Variants in SRRM1 observed in about 807,000 individuals in gnomAD.
The protein encoded by SRRM1 is serine/arginine repetitive matrix protein 1.
SRRM1 carries 19 observed loss-of-function variants against 110.2 expected under a neutral mutation model. That is an observed-to-expected ratio of 0.17 (90% confidence interval 0.12 to 0.25). The LOEUF is 0.25. Ranked by LOEUF, SRRM1 falls within the 10% of genes least tolerant of loss-of-function variation. The pLI is 1.00. For missense variants in SRRM1, 918 were observed against 1,145.8 expected (o/e 0.80, Z 2.87); for synonymous variants, 443 against 414.9 (o/e 1.07, Z -0.82).
chr1:24,664,982 T>TTTTTG (rs1352175003), intron 12 of SRRM1, among the ~76,000 whole-genome samples: 2 of 151,572 alleles, frequency 1.3e-5, no homozygotes, highest in Non-Finnish European at 2.9e-5. Context: ...CTCCAGGATG[T>TTTTTG]TTTTGTTTTG....
In SRRM1 at chr1:24,673,116, T is replaced by G. The variant is rs1270700451; in HGVS notation, c.*830T>G. On this transcript the variant is annotated 3_prime_UTR_variant, in exon 17 of 17. Transcript: ENST00000323848. ...ATTGGTATATACAACTTTCAGAGCC[T>G]CTTGTATTTGGAAGGCTGGAAGGGC... 6.6e-6 allele frequency: 1 copy of G among 152,226 alleles called. No homozygotes were observed. Among genetic ancestry groups the G allele is most frequent in the Non-Finnish European group, 1.5e-5 (1 of 68,042 alleles). 9.4% of individuals were successfully genotyped at this position (152,226 alleles called of 1,614,324 possible).
intron 13 of SRRM1, among the ~76,000 whole-genome samples, chr1:24,668,489 T>C (rs1001080171): frequency 6.6e-6 from 1 of 152,226 alleles, no homozygotes; most frequent in African/African-American, 2.4e-5. Flanking sequence ...TAAAGCTAAC[T>C]CTGGGCAGGA....
intron 13 of SRRM1, among the ~76,000 whole-genome samples, chr1:24,668,622 G>A (rs548171372): frequency 6.6e-6 from 1 of 152,252 alleles, no homozygotes; most frequent in Admixed American, 6.5e-5. Context: ...TGTCTTTAAG[G>A]CTTGTGCAGT....
chr1:24,656,888 A>G (rs1664438754), intron 9 of SRRM1, among the ~76,000 whole-genome samples: 1 of 152,188 alleles, frequency 6.6e-6, no homozygotes, highest in Non-Finnish European at 1.5e-5. Context: ...CTTTTTGCAA[A>G]CAAGACAAGA....
intron 13 of SRRM1, 28 bp downstream of exon 13, chr1:24,666,953 CA>C (rs752295193): frequency 1.3e-6 from 2 of 1,498,926 alleles, no homozygotes; most frequent in Non-Finnish European, 1.8e-6. Flanking sequence ...CTAACTGGAG[CA>C]TCTCCCCAAC....
Position 24,652,544 on chromosome 1 carries a change from G to A in SRRM1, c.836G>A (p.Arg279Gln), listed in dbSNP as rs764172215. Residue 279 changes from arginine to glutamine, a missense_variant, in exon 7 of 17, where the codon CGG (arginine) becomes CAG (glutamine). By Grantham distance (43) the Arg-to-Gln change is conservative. Coordinates refer to ENST00000323848, the MANE Select transcript of SRRM1 (RefSeq NM_005839.4). ...KEKEKTRPRS[R>Q]SRSKSRSRTR... ...AAGGAGAAGACCCGACCACGATCTC[G>A]GTCACGCTCCAAATCAAGATCCCGG... is the stretch of plus-strand genomic sequence containing the variant. The A allele has an allele frequency of 2.5e-6, 4 of 1,613,612 alleles. No individual in the cohort carries two copies. Among genetic ancestry groups the A allele is most frequent in the East Asian group, 4.5e-5 (2 of 44,862 alleles).
At chr1:24,664,621 A>G (rs2148657288) in intron 12 of SRRM1, among the ~76,000 whole-genome samples, 1 of 152,170 alleles carries the variant, frequency 6.6e-6, no homozygotes, top group Middle Eastern at 3.2e-3. Flanking sequence ...TAATCTCATC[A>G]ATAAGAGTGT....
At chr1:24,671,257 C>A (rs1672601317) in intron 15 of SRRM1, 129 bp from the exon 16 acceptor site, 3 of 1,012,906 alleles carry the variant, frequency 3.0e-6, no homozygotes, top group Non-Finnish European at 4.4e-6. Flanking sequence ...TCCCCACTCA[C>A]ACCCTCCAAA....
Position 24,645,975 on chromosome 1 carries a change from T to C in SRRM1, c.22-9T>C, listed in dbSNP as rs184000945. 6.8e-5 allele frequency: 109 copies of C among 1,612,158 alleles called. 1 individual carries two copies. In the South Asian group the frequency reaches 7.5e-4, roughly 11 times the overall value. On this transcript the variant is annotated splice_polypyrimidine_tract_variant and intron_variant, in intron 1 of 16. Transcript: ENST00000323848. ...AACCCTTAGTTAAGATGTGGTTCTC[T>C]TCCTGCAGGGAACAAGTGCAGAACA...
chr1:24,666,944 T>G lies in SRRM1; in HGVS notation c.1739+19T>G. 6.4e-7 allele frequency: 1 copy of G among 1,561,934 alleles called. No individual in the cohort carries two copies. The highest frequency in any genetic ancestry group is 8.7e-7 in the Non-Finnish European group (1 of 1,148,588). ...GACGAAGGTACTTTGTCAAATATGC[T>G]AACTGGAGCATCTCCCCAACTCCCC... On this transcript the variant is annotated intron_variant, in intron 13 of 16. Coordinates refer to ENST00000323848, the MANE Select transcript of SRRM1 (RefSeq NM_005839.4).
At chr1:24,646,126 C>G in intron 2 of SRRM1, 53 bp downstream of exon 2, 1 of 1,394,060 alleles carries the variant, frequency 7.2e-7, no homozygotes, top group Non-Finnish European at 1.0e-6. Context: ...TTACTTGACT[C>G]AAGTTCTGGG....
intron 1 of SRRM1, among the ~76,000 whole-genome samples, chr1:24,645,252 T>A (rs1020769922): frequency 1.3e-5 from 2 of 152,204 alleles, no homozygotes; most frequent in Non-Finnish European, 2.9e-5. Flanking sequence ...TTTTACCTTC[T>A]CAAACAAAAT....
chr1:24,661,178 TA>T (rs1042763264), intron 10 of SRRM1, 131 bp from the exon 11 acceptor site: 98 of 607,728 alleles, frequency 1.6e-4, no homozygotes, highest in African/African-American at 7.2e-4. Context: ...AAACTCTTTT[TA>T]AAAAAAATAT....
Position 24,652,290 on chromosome 1 carries a change from AC to A in SRRM1, c.726-143del, listed in dbSNP as rs1451184648. 2.7e-5 allele frequency: 15 copies of A among 564,338 alleles called. No individual in the cohort carries two copies. In the African/African-American group the frequency reaches 2.7e-4, roughly 10 times the overall value. The allele number at this position is 564,338 out of a possible 1,614,324, so 35.0% of individuals were successfully genotyped here. A position where few individuals can be genotyped will look rare whatever the true frequency, so the allele number is the denominator to read the frequency against. On this transcript the variant is annotated intron_variant, in intron 6 of 16. Coordinates refer to ENST00000323848, the MANE Select transcript of SRRM1 (RefSeq NM_005839.4). ...CTCTGGGTTTCAGTGATAGGTACAT[AC>A]ATACTTATGTGTCTTTTGGAGATAG...
At chr1:24,664,786 C>G (rs564258612) in intron 12 of SRRM1, among the ~76,000 whole-genome samples, 2 of 152,154 alleles carry the variant, frequency 1.3e-5, no homozygotes, top group Non-Finnish European at 2.9e-5. Flanking sequence ...ATAATTATCT[C>G]TGGCTTTTGT....
intron 12 of SRRM1, 119 bp downstream of exon 12, chr1:24,662,923 T>C: frequency 7.2e-7 from 1 of 1,382,902 alleles, no homozygotes; most frequent in East Asian, 2.3e-5. Context: ...GGTTGGATTT[T>C]TGTTTGCTTT....
intron 4 of SRRM1, 73 bp downstream of exon 4, chr1:24,649,102 T>C: frequency 1.5e-6 from 2 of 1,374,586 alleles, no homozygotes; most frequent in South Asian, 1.2e-5. Context: ...TTAGGTAGTA[T>C]ATGACTCAGC....
intron 6 of SRRM1, 55 bp from the exon 7 acceptor site, chr1:24,652,379 T>C: frequency 7.9e-7 from 1 of 1,264,552 alleles, no homozygotes; most frequent in South Asian, 1.6e-5. Flanking sequence ...TGTAATGATT[T>C]AGAAGGCTGA....
In SRRM1 at chr1:24,650,026, G is replaced by T; in HGVS notation, c.461G>T (p.Arg154Ile). ...AAGCAAGATGAAGACAAAGATAAAA[G>T]AGATAAGGAAGAAAAAGAAAGCAGC... ...MKKQDEDKDK[R>I]DKEEKESSRE... Residue 154 changes from arginine (R) to isoleucine (I), a missense_variant, in exon 5 of 17, where the codon AGA becomes ATA. By Grantham distance (97) the Arg-to-Ile change is moderately conservative. Transcript: ENST00000323848. The T allele has an allele frequency of 3.1e-6, 5 of 1,598,822 alleles. No homozygotes were observed. The highest frequency in any genetic ancestry group is 4.3e-6 in the Non-Finnish European group (5 of 1,172,630).
Sources: gnomAD v4.1 joint callset for allele counts (sites outside exome capture counted in the v4.1 genomes callset) on GRCh38, gnomAD v4.1.1 for gene constraint, MANE v1.5 for transcripts, NCBI Gene and HGNC (gene_info 2026-07-23, HGNC 2026-07-21) for gene names.